SIPA1L1: variants seen among roughly 807,000 people sequenced by gnomAD.
SIPA1L1 encodes the protein signal induced proliferation associated 1 like 1.
A neutral mutation model predicts 162.7 loss-of-function variants in SIPA1L1; 26 were observed. The ratio of observed to expected loss-of-function variants is 0.16; its 90% confidence interval spans 0.12 to 0.22. The LOEUF is 0.22. Ranked by LOEUF, SIPA1L1 falls within the 10% of genes least tolerant of loss-of-function variation. The pLI is 1.00. For synonymous variants in SIPA1L1, 829 were observed against 837.4 expected (o/e 0.99, Z 0.17); for missense variants, 1,874 against 2,241.0 (o/e 0.84, Z 3.31).
chr14:71,450,869 A>G, intron 2 of SIPA1L1, among the ~76,000 whole-genome samples: 1 of 152,244 alleles, frequency 6.6e-6, no homozygotes, highest in East Asian at 1.9e-4. Flanking sequence ...TTAAAAATAG[A>G]ACTATCATGT....
chr14:71,561,438 A>G (rs1467779300), intron 4 of SIPA1L1, among the ~76,000 whole-genome samples: 2 of 152,244 alleles, frequency 1.3e-5, no homozygotes, highest in African/African-American at 4.8e-5. Flanking sequence ...ATCCAATAGC[A>G]TTAATTCGCA....
chr14:71,650,189 T>C, intron 7 of SIPA1L1, 146 bp from the exon 8 acceptor site: 2 of 822,492 alleles, frequency 2.4e-6, no homozygotes, highest in Non-Finnish European at 4.0e-6. Context: ...TAATTTTGGA[T>C]CAAAGACGGA....
rs899778185 is a variant in SIPA1L1 at position 71,587,952 on chromosome 14, C to G, written c.80C>G (p.Pro27Arg). The change falls in exon 5 of 24, where the codon CCC becomes CGC. Residue 27 changes from proline (P) to arginine (R), a missense_variant. Pro to Arg is a moderately radical substitution (Grantham distance 103). This residue lies in a region of SIPA1L1 where 685 missense variants were observed against 828.0 expected (regional missense o/e 0.83). Coordinates refer to ENST00000381232, the MANE Select transcript of SIPA1L1 (RefSeq NM_001386936.1). Reference sequence around the variant, plus strand: ...TCTGTTGTTGGCACAGACGGCACCCCCAAAGTCCACACTGATGATTTCTAC... The same window carrying G: ...TCTGTTGTTGGCACAGACGGCACCCGCAAAGTCCACACTGATGATTTCTAC... ...RASVVGTDGTPKVHTDDFYMR... is the reference protein window; with the variant it reads ...RASVVGTDGTRKVHTDDFYMR... 1.2e-6 allele frequency: 2 copies of G among 1,614,080 alleles called. No individual in the cohort carries two copies. Among genetic ancestry groups the G allele is most frequent in the South Asian group, 2.2e-5 (2 of 91,078 alleles).
chr14:71,623,351 T>TAA (rs2039642525), intron 6 of SIPA1L1, among the ~76,000 whole-genome samples: 1 of 152,244 alleles, frequency 6.6e-6, no homozygotes, highest in South Asian at 2.1e-4. Context: ...TTTTGGAAAT[T>TAA]AAGACTACTT....
chr14:71,608,273 C>T (rs957673364), intron 5 of SIPA1L1, among the ~76,000 whole-genome samples: 2 of 152,268 alleles, frequency 1.3e-5, no homozygotes, highest in African/African-American at 2.4e-5. Context: ...TCCTTGTTAG[C>T]GGTAGTGACT....
intron 2 of SIPA1L1, among the ~76,000 whole-genome samples, chr14:71,411,188 G>C (rs979331797): frequency 1.3e-5 from 2 of 151,728 alleles, no homozygotes; most frequent in African/African-American, 2.4e-5. Flanking sequence ...ACAGGAAATT[G>C]AGCAACCTTT....
At chr14:71,618,582 A>C (rs1235128063) in intron 5 of SIPA1L1, among the ~76,000 whole-genome samples, 175 bp from the exon 6 acceptor site, 1 of 152,172 alleles carries the variant, frequency 6.6e-6, no homozygotes, top group Non-Finnish European at 1.5e-5. Flanking sequence ...CTGGAACTAA[A>C]CCTGTGTAGC....
chr14:71,734,626 G>A (rs992064393), intron 21 of SIPA1L1, among the ~76,000 whole-genome samples: 3 of 152,000 alleles, frequency 2.0e-5, no homozygotes, highest in African/African-American at 4.8e-5. Context: ...TCTGTACGTC[G>A]GGCAACCATG....
rs538874023 is a variant in SIPA1L1 at position 71,413,191 on chromosome 14, G to A, written c.-465+92010G>A. On this transcript the variant is annotated intron_variant, in intron 2 of 23. Coordinates refer to ENST00000381232, the MANE Select transcript of SIPA1L1 (RefSeq NM_001386936.1). ...GTGATGACCAAAAATGTTACCAGAT[G>A]TTGCAAGATGTCACCTGTGGGTACA... Among the ~76,000 whole-genome samples the A allele has an allele frequency of 3.3e-5, 5 of 152,292 alleles. No individual in the cohort carries two copies. The South Asian group carries it at 1.0e-3, about 32-fold the overall frequency.
rs180863731 is a variant in SIPA1L1 at position 71,439,703 on chromosome 14, T to A, written c.-464-73040T>A. On this transcript the variant is annotated intron_variant, in intron 2 of 23. Coordinates refer to ENST00000381232, the MANE Select transcript of SIPA1L1 (RefSeq NM_001386936.1). Reference sequence around the variant, plus strand: ...TTTTAGTTTCAGTTCACTGTTTCTGTTGTTTCTAAATATTTTACCACTAAT... The same window carrying A: ...TTTTAGTTTCAGTTCACTGTTTCTGATGTTTCTAAATATTTTACCACTAAT... Among the ~76,000 whole-genome samples, 388 of 152,346 alleles carry A rather than the reference T, an allele frequency of 2.5e-3. 6 individuals are homozygous for A. Among genetic ancestry groups the A allele is most frequent in the East Asian group, 4.4e-3 (23 of 5,186 alleles).
rs1468305830 is a variant in SIPA1L1 at position 71,671,461 on chromosome 14, A to G, written c.2598A>G (p.Glu866=). Residue 866 remains glutamate, a synonymous_variant, in exon 11 of 24, where the codon GAA becomes GAG. Transcript: ENST00000381232. ...MGAIVWAVRA[E]DYNKAMELDC... is the part of the protein sequence containing the mutation. ...CCATTGTATGGGCAGTCCGGGCTGAAGACTACAACAAGGCCATGGAACTAG... is the reference window on the plus strand; with the variant it reads ...CCATTGTATGGGCAGTCCGGGCTGAGGACTACAACAAGGCCATGGAACTAG... 1 of 1,614,154 alleles carries G rather than the reference A, an allele frequency of 6.2e-7. No homozygotes were observed. The highest frequency in any genetic ancestry group is 1.1e-5 in the South Asian group (1 of 91,080).
intron 5 of SIPA1L1, among the ~76,000 whole-genome samples, chr14:71,594,715 C>T (rs2035831438): frequency 6.6e-6 from 1 of 152,086 alleles, no homozygotes; most frequent in Non-Finnish European, 1.5e-5. Context: ...AATGCCCTTG[C>T]CTTTCATGTT....
In SIPA1L1 at chr14:71,739,818, C is replaced by T. The variant is rs1489415752; in HGVS notation, c.*657C>T. 2.0e-5 allele frequency: 3 copies of T among 152,242 alleles called. No homozygotes were observed. The highest frequency in any genetic ancestry group is 4.4e-5 in the Non-Finnish European group (3 of 68,048). 9.4% of individuals were successfully genotyped at this position (152,242 alleles called of 1,614,324 possible). ...CTGACAGTGCCTGCAGGCCACACCC[C>T]TTCTCAGTCCTGCATTGTGAGGTCA... On this transcript the variant is annotated 3_prime_UTR_variant, in exon 24 of 24. Transcript: ENST00000381232.
rs2034797329 is a variant in SIPA1L1 at position 71,587,828 on chromosome 14, T to C, written c.-45T>C. 6 of 1,548,898 alleles carry C rather than the reference T, an allele frequency of 3.9e-6. No individual in the cohort carries two copies. Among genetic ancestry groups the C allele is most frequent in the Non-Finnish European group, 5.3e-6 (6 of 1,138,364 alleles). On this transcript the variant is annotated 5_prime_UTR_variant, in exon 5 of 24. The change abolishes an upstream ATG in the 5' untranslated region. Transcript: ENST00000381232. The stretch of plus-strand genomic sequence containing the variant: ...GAAGTGCACATTTAAAACACAGATA[T>C]GATGGTCCTTGCTGCAGGGATTTAA...
chr14:71,333,141 G>A (rs1381416103), intron 2 of SIPA1L1, among the ~76,000 whole-genome samples: 3 of 152,166 alleles, frequency 2.0e-5, no homozygotes, highest in Non-Finnish European at 4.4e-5. Flanking sequence ...TAGCACCCTG[G>A]AAACTTAATG....
At chr14:71,457,717 C>T (rs1254782674) in intron 2 of SIPA1L1, among the ~76,000 whole-genome samples, 1 of 152,100 alleles carries the variant, frequency 6.6e-6, no homozygotes, top group Non-Finnish European at 1.5e-5. Context: ...GCCTTAGCCT[C>T]CTAAGTAGCT....
chr14:71,674,766 G>A (rs1009324002), intron 12 of SIPA1L1, among the ~76,000 whole-genome samples: 4 of 151,522 alleles, frequency 2.6e-5, no homozygotes, highest in Non-Finnish European at 5.9e-5. Flanking sequence ...GGGTTTCACC[G>A]TTTTAGCCGG....
At chr14:71,361,543 G>C (rs1327830381) in intron 2 of SIPA1L1, among the ~76,000 whole-genome samples, 2 of 152,168 alleles carry the variant, frequency 1.3e-5, no homozygotes, top group Non-Finnish European at 2.9e-5. Flanking sequence ...GGGTTTTCCT[G>C]TGTGACTACC....
At position 71,452,204 on chromosome 14, in the gene SIPA1L1, AC is replaced by A. The variant is rs1343614644; in HGVS notation, c.-464-60534del. ...GTTCTCTCCCATTTCAGTACCAACC[AC>A]CCCCTATACTACCAAAGGTAACCAC... On this transcript the variant is annotated intron_variant, in intron 2 of 23. Coordinates refer to ENST00000381232, the MANE Select transcript of SIPA1L1 (RefSeq NM_001386936.1). 2.0e-5 allele frequency among the ~76,000 whole-genome samples: 3 copies of A among 150,318 alleles called. 1 individual carries two copies. In the South Asian group the frequency reaches 6.3e-4, roughly 32 times the overall value.
Sources: allele counts gnomAD v4.1 joint callset (sites outside exome capture counted in the v4.1 genomes callset), GRCh38; gene constraint gnomAD v4.1.1; regional missense constraint gnomAD v4.1.1; transcripts MANE v1.5; gene names NCBI Gene and HGNC (gene_info 2026-07-23, HGNC 2026-07-21).